The following NRG3 variants were observed in gnomAD, a reference collection of about 807,000 sequenced individuals.
The protein encoded by NRG3 is pro-neuregulin-3, membrane-bound isoform.
Under a neutral mutation model 66.9 loss-of-function variants are expected in NRG3, and 31 were observed. That is an observed-to-expected ratio of 0.46 (90% confidence interval 0.35 to 0.63). The LOEUF (loss-of-function observed/expected upper bound fraction) is 0.63. NRG3 is among the 20% of genes least tolerant of loss of function. The pLI is 0.00. For missense variants in NRG3, 910 were observed against 878.9 expected (o/e 1.04, Z -0.45); for synonymous variants, 393 against 359.4 (o/e 1.09, Z -1.06).
chr10:82,481,913 G>C (rs934943426), intron 2 of NRG3, among the ~76,000 whole-genome samples: 2 of 152,112 alleles, frequency 1.3e-5, no homozygotes, highest in African/African-American at 4.8e-5. Context: ...TTTGAACCCG[G>C]GAGGCAGAAG....
At chr10:82,140,470 G>C (rs569539131) in intron 1 of NRG3, among the ~76,000 whole-genome samples, 1 of 152,220 alleles carries the variant, frequency 6.6e-6, no homozygotes, top group East Asian at 1.9e-4. Context: ...AGTCACTGCC[G>C]CAATTTTGTT....
At chr10:82,974,441 A>C (rs1474330132) in intron 7 of NRG3, among the ~76,000 whole-genome samples, 2 of 152,316 alleles carry the variant, frequency 1.3e-5, no homozygotes, top group African/African-American at 2.4e-5. Context: ...AAAGCCAAAA[A>C]CATAGTTATT....
chr10:82,111,306 T>G (rs781586369), intron 1 of NRG3, among the ~76,000 whole-genome samples: 5 of 152,210 alleles, frequency 3.3e-5, no homozygotes, highest in Non-Finnish European at 5.9e-5. Context: ...TCTAATAATC[T>G]CTTCTTAAAC....
intron 1 of NRG3, among the ~76,000 whole-genome samples, chr10:81,960,920 T>C (rs940927930): frequency 5.9e-5 from 9 of 152,142 alleles, no homozygotes; most frequent in African/African-American, 1.9e-4. Context: ...CCTCCAAGCC[T>C]ATCCTTGTTC....
intron 2 of NRG3, among the ~76,000 whole-genome samples, chr10:82,490,524 T>C (rs1216034498): frequency 6.6e-6 from 1 of 152,180 alleles, no homozygotes; most frequent in Non-Finnish European, 1.5e-5. Flanking sequence ...TTGATGCTCT[T>C]GTCTCTTGCT....
chr10:82,575,098 G>A (rs1436121298), intron 2 of NRG3, among the ~76,000 whole-genome samples: 1 of 151,714 alleles, frequency 6.6e-6, no homozygotes, highest in Non-Finnish European at 1.5e-5. Flanking sequence ...AGCTAAGTAT[G>A]AGAGGTAATA....
At chr10:82,829,547 T>A (rs1296468493) in intron 3 of NRG3, among the ~76,000 whole-genome samples, 1 of 152,070 alleles carries the variant, frequency 6.6e-6, no homozygotes, top group African/African-American at 2.4e-5. Context: ...AGGTGCAAAG[T>A]CAGGTAGAAG....
At chr10:82,817,904 T>A (rs982800551) in intron 3 of NRG3, among the ~76,000 whole-genome samples, 1 of 152,228 alleles carries the variant, frequency 6.6e-6, no homozygotes, top group Non-Finnish European at 1.5e-5. Context: ...AGGCAAAGTG[T>A]AAGAACAATT....
At chr10:81,942,624 C>G (rs745649514) in intron 1 of NRG3, among the ~76,000 whole-genome samples, 1 of 152,124 alleles carries the variant, frequency 6.6e-6, no homozygotes, top group African/African-American at 2.4e-5. Flanking sequence ...TCTCAAGTTT[C>G]CCAACTCTGT....
intron 1 of NRG3, among the ~76,000 whole-genome samples, chr10:81,999,005 G>A (rs2061058088): frequency 6.6e-6 from 1 of 152,152 alleles, no homozygotes; most frequent in African/African-American, 2.4e-5. Context: ...GTTTCACCGT[G>A]TTGGTCAGGT....
chr10:82,549,343 G>T (rs572476218), intron 2 of NRG3, among the ~76,000 whole-genome samples: 1 of 152,210 alleles, frequency 6.6e-6, no homozygotes, highest in African/African-American at 2.4e-5. Context: ...TTAAATTCTT[G>T]TTGCCCATAC....
rs57484788 is a variant in NRG3 at position 82,674,937 on chromosome 10, ATATTTATTTATTTATT to A, written c.954-63618_954-63603del. ...GCTTCTAGATTAGGGGGTTTTATTT[ATATTTATTTATTTATT>A]TATTTATTTATTTATTTATTTTTTG... is the stretch of plus-strand genomic sequence containing the variant. On this transcript the variant is annotated intron_variant, in intron 2 of 8. Coordinates refer to ENST00000372141, the MANE Select transcript of NRG3 (RefSeq NM_001010848.4). 6.1e-3 allele frequency among the ~76,000 whole-genome samples: 871 copies of A among 143,706 alleles called. 13 individuals carry two copies. Among genetic ancestry groups the A allele is most frequent in the African/African-American group, 0.022 (831 of 38,258 alleles). The allele number at this position is 143,706 out of a possible 152,430, so 94.3% of individuals were successfully genotyped here. A position where few individuals can be genotyped will look rare whatever the true frequency, so the allele number is the denominator to read the frequency against.
At chr10:82,015,080 G>C (rs953320254) in intron 1 of NRG3, among the ~76,000 whole-genome samples, 1 of 152,100 alleles carries the variant, frequency 6.6e-6, no homozygotes, top group African/African-American at 2.4e-5. Context: ...TTTTTCTTTT[G>C]TAGAGTCTGC....
At chr10:82,937,285 T>C (rs1055407820) in intron 4 of NRG3, among the ~76,000 whole-genome samples, 3 of 152,194 alleles carry the variant, frequency 2.0e-5, no homozygotes, top group African/African-American at 4.8e-5. Flanking sequence ...AAATGCATGG[T>C]ACAAAGCATC....
At chr10:82,044,442 A>G (rs76609319) in intron 1 of NRG3, among the ~76,000 whole-genome samples, 1 of 152,108 alleles carries the variant, frequency 6.6e-6, no homozygotes, top group Admixed American at 6.6e-5. Context: ...GGGATGTGAG[A>G]GAAAACAAGA....
intron 1 of NRG3, among the ~76,000 whole-genome samples, chr10:82,231,274 G>A (rs1294895190): frequency 6.6e-6 from 1 of 152,066 alleles, no homozygotes. Flanking sequence ...ACCTAGGAAG[G>A]TTCAAGTGAG....
At chr10:82,866,822 T>C (rs1840787872) in intron 4 of NRG3, among the ~76,000 whole-genome samples, 1 of 152,078 alleles carries the variant, frequency 6.6e-6, no homozygotes, top group African/African-American at 2.4e-5. Flanking sequence ...GAGATGACAA[T>C]ATTCAAAGCA....
intron 1 of NRG3, among the ~76,000 whole-genome samples, chr10:82,020,540 A>G (rs749597033): frequency 7.9e-5 from 12 of 152,132 alleles, no homozygotes; most frequent in Non-Finnish European, 1.8e-4. Context: ...CGATCTCAAT[A>G]AAATTTACGT....
chr10:82,206,670 C>A (rs1285091743), intron 1 of NRG3, among the ~76,000 whole-genome samples: 1 of 152,190 alleles, frequency 6.6e-6, no homozygotes, highest in African/African-American at 2.4e-5. Context: ...TATGTCAGGA[C>A]TCTTTGAATG....
Sources: allele counts gnomAD v4.1 joint callset (sites outside exome capture counted in the v4.1 genomes callset), GRCh38; gene constraint gnomAD v4.1.1; transcripts MANE v1.5; gene names NCBI Gene and HGNC (gene_info 2026-07-23, HGNC 2026-07-21).